Variants in ZNF23 observed in about 807,000 individuals in gnomAD.
ZNF23 encodes the protein zinc finger protein 23, also known as kruppel-like zinc finger factor X31.
In ZNF23, 48 loss-of-function variants were observed where a neutral mutation model predicts 56.2. The ratio of observed to expected loss-of-function variants is 0.85; its 90% confidence interval spans 0.68 to 1.09. The LOEUF (loss-of-function observed/expected upper bound fraction) is 1.09. ZNF23 is among the 50% of genes least tolerant of loss of function. The pLI, the probability that ZNF23 is intolerant of heterozygous loss-of-function variation, is 0.00. For missense variants in ZNF23, 805 were observed against 811.4 expected (o/e 0.99, Z 0.10); for synonymous variants, 266 against 283.3 (o/e 0.94, Z 0.61).
intron 2 of ZNF23, among the ~76,000 whole-genome samples, chr16:71,454,794 C>G (rs191374536): frequency 6.6e-6 from 1 of 152,224 alleles, no homozygotes; most frequent in East Asian, 1.9e-4. Context: ...CCAACTTCTC[C>G]GAAAGCTTCA....
chr16:71,448,508 C>CATTG lies in ZNF23; in HGVS notation c.1642_1645dup (p.Cys549SerfsTer3). The stretch of plus-strand genomic sequence containing the variant: ...ACTGAAGGCTTTCCCACATTCCTTA[C>CATTG]ATTGATAGGGCTTTTCTCCAGTATG... On this transcript the variant is annotated frameshift_variant, in exon 5 of 5. Transcript: ENST00000647773. LOFTEE classifies it high-confidence loss of function. The CATTG allele has an allele frequency of 6.2e-7, 1 of 1,614,220 alleles. No homozygotes were observed. Among genetic ancestry groups the CATTG allele is most frequent in the East Asian group, 2.2e-5 (1 of 44,886 alleles).
Position 71,449,021 on chromosome 16 carries a change from G to A in ZNF23, c.1133C>T (p.Pro378Leu), listed in dbSNP as rs1347637841. 3 of 1,614,166 alleles carry A rather than the reference G, an allele frequency of 1.9e-6. No homozygotes were observed. The highest frequency in any genetic ancestry group is 1.3e-5 in the African/African-American group (1 of 75,042). Residue 378 changes from proline to leucine, a missense_variant, in exon 5 of 5, where the codon CCT becomes CTT. Transcript: ENST00000647773. The stretch of plus-strand genomic sequence containing the variant: ...TTTTCCACATTCATTACATTCATAA[G>A]GTTTCTCTCCAGTATGGATTCTCTG... ...QHQRIHTGEKPYECNECGKGF... is the reference protein window; with the variant it reads ...QHQRIHTGEKLYECNECGKGF...
At chr16:71,455,889 G>C (rs1340235215) in intron 2 of ZNF23, among the ~76,000 whole-genome samples, 1 of 152,170 alleles carries the variant, frequency 6.6e-6, no homozygotes, top group African/African-American at 2.4e-5. Context: ...ATAACTCTGT[G>C]ATCCTGGGCA....
chr16:71,454,083 C>T lies in ZNF23; in HGVS notation c.119G>A (p.Arg40Lys). The T allele has an allele frequency of 1.2e-6, 2 of 1,614,154 alleles. No homozygotes were observed. Among genetic ancestry groups the T allele is most frequent in the Non-Finnish European group, 1.7e-6 (2 of 1,180,014 alleles). ...GLSPAQRTLY[R>K]DVMLENYGNV... ...CCCATAATTCTCCAGCATCACATCC[C>T]TGTACAGGGTCCTCTGTGCAGGGGA... Residue 40 changes from arginine to lysine, a missense_variant, in exon 3 of 5, where the codon AGG (arginine) becomes AAG (lysine). Coordinates refer to ENST00000647773, the MANE Select transcript of ZNF23 (RefSeq NM_001381984.1).
chr16:71,450,047 A>G (rs1302968441), intron 4 of ZNF23, 162 bp from the exon 5 acceptor site: 1 of 525,926 alleles, frequency 1.9e-6, no homozygotes, highest in Non-Finnish European at 3.3e-6. Flanking sequence ...GTAATTTGTA[A>G]CTAACTAGTA....
rs962724135 is a variant in ZNF23, at chr16:71,456,633, A to G, written c.33+131T>C. 6 of 944,608 alleles carry G rather than the reference A, an allele frequency of 6.4e-6. No homozygotes were observed. In the African/African-American group the frequency reaches 1.1e-4, roughly 17 times the overall value. The allele number at this position is 944,608 out of a possible 1,614,324, so 58.5% of individuals were successfully genotyped here. Reference sequence around the variant, plus strand: ...TGGTCTCTGCCGCCCTCCCTGCACAACACCTCTTTCCCACAAGTTCCAGTC... The same window carrying G: ...TGGTCTCTGCCGCCCTCCCTGCACAGCACCTCTTTCCCACAAGTTCCAGTC... On this transcript the variant is annotated intron_variant, in intron 2 of 4. Transcript: ENST00000647773.
At chr16:71,459,290 T>A (rs570608708) in intron 1 of ZNF23, among the ~76,000 whole-genome samples, 1 of 152,304 alleles carries the variant, frequency 6.6e-6, no homozygotes, top group African/African-American at 2.4e-5. Context: ...GGATAAATGT[T>A]TTCCCCGTCG....
intron 2 of ZNF23, 90 bp from the exon 3 acceptor site, chr16:71,454,258 G>T: frequency 6.8e-7 from 1 of 1,478,718 alleles, no homozygotes; most frequent in South Asian, 1.4e-5. Context: ...GCTTGGGGAG[G>T]GTGCTTGTGA....
intron 4 of ZNF23, 114 bp from the exon 5 acceptor site, chr16:71,449,999 G>C (rs2042998717): frequency 1.1e-5 from 9 of 787,022 alleles, no homozygotes; most frequent in Non-Finnish European, 1.7e-5. Context: ...CACCAGACTA[G>C]GTCAAAAAAC....
chr16:71,462,179 C>G (rs2043487486), intron 1 of ZNF23, 31 bp downstream of exon 1: 1 of 152,358 alleles, frequency 6.6e-6, no homozygotes, highest in Admixed American at 6.5e-5. Flanking sequence ...GGACAGGGCA[C>G]GGCACACAGC....
intron 3 of ZNF23, 188 bp from the exon 4 acceptor site, chr16:71,453,538 G>A: frequency 1.8e-6 from 1 of 548,062 alleles, no homozygotes; most frequent in South Asian, 2.5e-5. Context: ...AGACTTCCAA[G>A]GGCTTTGGGA....
chr16:71,456,514 C>T (rs1233143052), intron 2 of ZNF23, among the ~76,000 whole-genome samples: 1 of 152,114 alleles, frequency 6.6e-6, no homozygotes, highest in Non-Finnish European at 1.5e-5. Flanking sequence ...TGGGGGTGCT[C>T]CTGTAGAGAG....
intron 4 of ZNF23, chr16:71,450,988 T>G (rs1356813387): frequency 5.8e-6 from 1 of 172,034 alleles, no homozygotes; most frequent in African/African-American, 2.4e-5. Context: ...CTTAGAACAT[T>G]AACTGTGGGC....
intron 1 of ZNF23, among the ~76,000 whole-genome samples, chr16:71,459,140 T>C (rs939752809): frequency 2.0e-5 from 3 of 152,364 alleles, no homozygotes; most frequent in African/African-American, 7.2e-5. Flanking sequence ...CACAAGGACC[T>C]ACATCACCTA....
At chr16:71,449,918 A>C in intron 4 of ZNF23, 33 bp from the exon 5 acceptor site, 1 of 1,514,106 alleles carries the variant, frequency 6.6e-7, no homozygotes, top group South Asian at 1.3e-5. Flanking sequence ...AATGTCATGT[A>C]AGAACCATGT....
intron 1 of ZNF23, among the ~76,000 whole-genome samples, chr16:71,460,311 G>A (rs2043395575): frequency 7.1e-6 from 1 of 140,156 alleles, no homozygotes; most frequent in Admixed American, 7.1e-5. Context: ...TCCCTCCCAA[G>A]GGGATAGTTT....
intron 1 of ZNF23, among the ~76,000 whole-genome samples, chr16:71,458,516 A>G (rs978843569): frequency 1.3e-5 from 2 of 152,138 alleles, no homozygotes; most frequent in Non-Finnish European, 2.9e-5. Flanking sequence ...CCAAATTCAT[A>G]TGTTGAAGCT....
chr16:71,458,589 G>A (rs780319004), intron 1 of ZNF23, among the ~76,000 whole-genome samples: 12 of 152,110 alleles, frequency 7.9e-5, no homozygotes, highest in Non-Finnish European at 1.3e-4. Flanking sequence ...GGATAAATGA[G>A]GTCCTAAGGG....
intron 2 of ZNF23, among the ~76,000 whole-genome samples, chr16:71,455,241 C>T (rs958678940): frequency 6.6e-6 from 1 of 152,138 alleles, no homozygotes; most frequent in African/African-American, 2.4e-5. Flanking sequence ...TCTGAACTTA[C>T]ACTTCAGCTG....
Sources: allele counts gnomAD v4.1 joint callset (sites outside exome capture counted in the v4.1 genomes callset), GRCh38; gene constraint gnomAD v4.1.1; transcripts MANE v1.5; gene names NCBI Gene and HGNC (gene_info 2026-07-23, HGNC 2026-07-21).